CLIP1: variants seen among roughly 807,000 people sequenced by gnomAD.
CLIP1 encodes the protein CAP-Gly domain containing linker protein 1, also known as CAP-Gly domain-containing linker protein 1.
CLIP1 carries 66 observed loss-of-function variants against 161.6 expected under a neutral mutation model. That is an observed-to-expected ratio of 0.41 (90% CI 0.33 to 0.50). The LOEUF (loss-of-function observed/expected upper bound fraction) is 0.50. CLIP1 is among the 20% of genes least tolerant of loss of function. The probability of loss-of-function intolerance (pLI) is 0.27; values close to 1 mark genes in which losing one functional copy is unlikely to be tolerated. For missense variants in CLIP1, 1,376 were observed against 1,702.0 expected, an observed-to-expected ratio of 0.81 and a Z score of 3.37; for synonymous variants, 598 against 626.2, an observed-to-expected ratio of 0.96 and a Z score of 0.67.
chr12:122,290,570 T>G (rs1195133963), intron 20 of CLIP1, among the ~76,000 whole-genome samples: 2 of 152,098 alleles, frequency 1.3e-5, no homozygotes, highest in Non-Finnish European at 2.9e-5. Flanking sequence ...AACTGGAAAA[T>G]TTTTACAATG....
At chr12:122,358,391 C>G (rs1038625722) in intron 5 of CLIP1, among the ~76,000 whole-genome samples, 2 of 150,816 alleles carry the variant, frequency 1.3e-5, no homozygotes, top group Non-Finnish European at 2.9e-5. Context: ...TGTCCTATGA[C>G]CCTGCCAAAT....
chr12:122,273,808 T>C lies in CLIP1; in HGVS notation c.4091+230A>G, dbSNP rs571995738. On this transcript the variant is annotated intron_variant, in intron 25 of 25. Coordinates refer to ENST00000620786, the MANE Select transcript of CLIP1 (RefSeq NM_001247997.2). The stretch of plus-strand genomic sequence containing the variant: ...GTACAGTGGCGCAATCTCGGCTCAT[T>C]GCAACCTCCAGCTCCAAGGCTCAAG... 5.3e-5 allele frequency among the ~76,000 whole-genome samples: 8 copies of C among 152,116 alleles called. No homozygotes were observed. The South Asian group carries it at 1.5e-3, about 28-fold the overall frequency.
intron 11 of CLIP1, 125 bp downstream of exon 11, chr12:122,340,628 G>T: frequency 1.4e-6 from 1 of 722,646 alleles, no homozygotes; most frequent in Non-Finnish European, 2.3e-6. Context: ...ATACTCAACT[G>T]GGGACATCAA....
At chr12:122,380,061 G>A (rs1954941814) in intron 2 of CLIP1, among the ~76,000 whole-genome samples, 1 of 151,554 alleles carries the variant, frequency 6.6e-6, no homozygotes, top group African/African-American at 2.4e-5. Context: ...TGGCCAATAT[G>A]GTGAAACCCC....
intron 18 of CLIP1, among the ~76,000 whole-genome samples, chr12:122,318,481 C>T (rs147670984): frequency 0.01 from 1,567 of 152,038 alleles, 31 homozygotes; most frequent in South Asian, 0.072. Flanking sequence ...TGCAGTGAGC[C>T]GAGATCATGC....
At chr12:122,422,330 C>A (rs1035645097) in intron 1 of CLIP1, among the ~76,000 whole-genome samples, 191 bp downstream of exon 1, 1 of 151,920 alleles carries the variant, frequency 6.6e-6, no homozygotes, top group Non-Finnish European at 1.5e-5. Flanking sequence ...GACCCCCGGC[C>A]TCCGGCGCCG....
Position 122,361,076 on chromosome 12 carries a change from C to T in CLIP1, c.888G>A (p.Val296=), listed in dbSNP as rs1299741202. ...CGGACGTGGTCGCCATCACTCGCCTCACTGCGTTGGCCTTGGCTTTGGCTG... is the reference window on the plus strand; with the variant it reads ...CGGACGTGGTCGCCATCACTCGCCTTACTGCGTTGGCCTTGGCTTTGGCTG... ...TTPAKAKANA[V]RRVMATTSAS... The change falls in exon 5 of 26, where the codon GTG becomes GTA. Residue 296 remains valine (V), a synonymous_variant. Coordinates refer to ENST00000620786, the MANE Select transcript of CLIP1 (RefSeq NM_001247997.2). The T allele has an allele frequency of 1.2e-6, 2 of 1,614,164 alleles. No individual in the cohort carries two copies. The highest frequency in any genetic ancestry group is 2.2e-5 in the East Asian group (1 of 44,902).
chr12:122,291,525 A>T (rs1323749610), intron 20 of CLIP1, among the ~76,000 whole-genome samples: 1 of 152,048 alleles, frequency 6.6e-6, no homozygotes, highest in Non-Finnish European at 1.5e-5. Context: ...TATGGCCTTG[A>T]CAGTTTTGAA....
At chr12:122,305,313 C>T (rs1234372302) in intron 20 of CLIP1, among the ~76,000 whole-genome samples, 60 of 152,166 alleles carry the variant, frequency 3.9e-4, no homozygotes, top group Admixed American at 3.9e-3. Flanking sequence ...TACCTATAGT[C>T]CCAGCTACTG....
At chr12:122,330,596 A>AGTT (rs1951901162) in intron 15 of CLIP1, among the ~76,000 whole-genome samples, 1 of 67,928 alleles carries the variant, frequency 1.5e-5, no homozygotes, top group Non-Finnish European at 2.8e-5. Flanking sequence ...AGTATAATGC[A>AGTT]GTTTTTTTTT....
intron 3 of CLIP1, among the ~76,000 whole-genome samples, chr12:122,372,122 G>GA (rs34364289): frequency 4.6e-4 from 66 of 144,308 alleles, no homozygotes; most frequent in African/African-American, 1.1e-3. Context: ...TCTCTATGGG[G>GA]AAAAAAAAAA....
intron 20 of CLIP1, among the ~76,000 whole-genome samples, chr12:122,296,409 G>A (rs1950469186): frequency 6.6e-6 from 1 of 152,078 alleles, no homozygotes; most frequent in Admixed American, 6.6e-5. Context: ...GTACAATATG[G>A]CTTTTGTAGA....
chr12:122,301,936 A>G (rs2136428256), intron 20 of CLIP1, among the ~76,000 whole-genome samples: 1 of 152,190 alleles, frequency 6.6e-6, no homozygotes, highest in Non-Finnish European at 1.5e-5. Context: ...CTGAATAGTC[A>G]TTGTCTGGAG....
At chr12:122,322,658 TC>T (rs1395729475) in intron 17 of CLIP1, 2 of 152,698 alleles carry the variant, frequency 1.3e-5, no homozygotes, top group Non-Finnish European at 2.9e-5. Context: ...CACCTCCTGC[TC>T]CAGGAGCACC....
intron 9 of CLIP1, among the ~76,000 whole-genome samples, chr12:122,349,069 ACTGT>A (rs1373084059): frequency 7.9e-5 from 12 of 152,144 alleles, no homozygotes; most frequent in Non-Finnish European, 1.8e-4. Context: ...TCAAGCCCTA[ACTGT>A]CTGGATAATC....
At chr12:122,344,280 T>C (rs1952644603) in intron 10 of CLIP1, among the ~76,000 whole-genome samples, 1 of 152,206 alleles carries the variant, frequency 6.6e-6, no homozygotes, top group Non-Finnish European at 1.5e-5. Context: ...GAGCTGACTA[T>C]AATTGCTGTG....
chr12:122,348,264 A>T (rs1952842535), intron 9 of CLIP1, among the ~76,000 whole-genome samples: 1 of 152,220 alleles, frequency 6.6e-6, no homozygotes, highest in Non-Finnish European at 1.5e-5. Flanking sequence ...ACTCAGAATT[A>T]CAAAGAGAAA....
chr12:122,308,651 A>G (rs12310354), intron 20 of CLIP1, among the ~76,000 whole-genome samples: 3 of 152,204 alleles, frequency 2.0e-5, no homozygotes, highest in Non-Finnish European at 2.9e-5. Flanking sequence ...GGATAATAAT[A>G]GTGCTATTGC....
At chr12:122,361,312 C>T (rs2136575809) in intron 4 of CLIP1, 131 bp from the exon 5 acceptor site, 1 of 718,520 alleles carries the variant, frequency 1.4e-6, no homozygotes, top group Non-Finnish European at 2.3e-6. Flanking sequence ...GCTGGGGTTA[C>T]ACACCAGCAC....
Sources: allele counts gnomAD v4.1 joint callset (sites outside exome capture counted in the v4.1 genomes callset), GRCh38; gene constraint gnomAD v4.1.1; transcripts MANE v1.5; gene names NCBI Gene and HGNC (gene_info 2026-07-23, HGNC 2026-07-21).